Variants in PXDNL observed in about 807,000 individuals in gnomAD.
PXDNL encodes the protein peroxidasin like.
A neutral mutation model predicts 150.8 loss-of-function variants in PXDNL; 145 were observed. That is an observed-to-expected ratio of 0.96 (90% CI 0.84 to 1.10). PXDNL has a LOEUF of 1.10. PXDNL is among the 50% of genes least tolerant of loss of function. The pLI, the probability that PXDNL is intolerant of heterozygous loss-of-function variation, is 0.00. For synonymous variants in PXDNL, 757 were observed against 725.7 expected, an observed-to-expected ratio of 1.04 and a Z score of -0.69; for missense variants, 2,087 against 1,873.9, an observed-to-expected ratio of 1.11 and a Z score of -2.10.
chr8:51,728,223 G>A (rs890153361), intron 1 of PXDNL, among the ~76,000 whole-genome samples: 1 of 152,184 alleles, frequency 6.6e-6, no homozygotes, highest in African/African-American at 2.4e-5. Flanking sequence ...TGCTGCCAGT[G>A]TTATAAAAGT....
intron 2 of PXDNL, among the ~76,000 whole-genome samples, chr8:51,608,035 A>AAGAAAG (rs1563481701): frequency 1.8e-5 from 2 of 111,674 alleles, no homozygotes; most frequent in Non-Finnish European, 3.8e-5. Flanking sequence ...GAAAGAAAGA[A>AAGAAAG]AGAAAGAAAG....
chr8:51,336,375 G>T (rs1056279730), intron 21 of PXDNL, among the ~76,000 whole-genome samples: 1 of 152,180 alleles, frequency 6.6e-6, no homozygotes, highest in East Asian at 1.9e-4. Flanking sequence ...TGAACAATCA[G>T]AAATTTCCTT....
At chr8:51,720,420 A>T (rs1228584896) in intron 1 of PXDNL, among the ~76,000 whole-genome samples, 1 of 152,126 alleles carries the variant, frequency 6.6e-6, no homozygotes, top group Non-Finnish European at 1.5e-5. Context: ...GTTATTTGTA[A>T]ATAGATACTA....
Position 51,589,948 on chromosome 8 carries a change from G to A in PXDNL, c.308+2679C>T, listed in dbSNP as rs78993300. ...TCAGGTGCTATTCATCAAGTGAACA[G>A]GAGAAAGACTTCAAAGGCATTTCAG... On this transcript the variant is annotated intron_variant, in intron 3 of 22. Transcript: ENST00000356297. Among the ~76,000 whole-genome samples, 60 of 152,256 alleles carry A rather than the reference G, an allele frequency of 3.9e-4. 1 individual carries two copies. In the East Asian group the frequency reaches 9.9e-3, roughly 25 times the overall value.
intron 4 of PXDNL, among the ~76,000 whole-genome samples, chr8:51,542,447 A>G (rs1351895195): frequency 6.6e-6 from 1 of 151,710 alleles, no homozygotes; most frequent in African/African-American, 2.4e-5. Flanking sequence ...TAATAGAATT[A>G]GATTAGATCA....
chr8:51,430,079 G>A (rs1470774487), intron 12 of PXDNL, among the ~76,000 whole-genome samples: 2 of 100,478 alleles, frequency 2.0e-5, no homozygotes, highest in African/African-American at 4.4e-5. Flanking sequence ...TCCTTTGTCT[G>A]ATGTCCTTTA....
chr8:51,363,815 A>G (rs1313940513), intron 19 of PXDNL, among the ~76,000 whole-genome samples: 1 of 152,180 alleles, frequency 6.6e-6, no homozygotes, highest in Non-Finnish European at 1.5e-5. Context: ...TGGTTGTATA[A>G]AAGCTTTCCC....
Position 51,395,228 on chromosome 8 carries a change from T to C in PXDNL, c.3557+12839A>G, listed in dbSNP as rs1366290881. ...ATAAGCATCAGGCCCTCCTTGACTT[T>C]GTAGACACTATTCCAGATGCTGGGT... On this transcript the variant is annotated intron_variant, in intron 17 of 22. Transcript: ENST00000356297. 4.6e-5 allele frequency among the ~76,000 whole-genome samples: 7 copies of C among 152,288 alleles called. No homozygotes were observed. In the East Asian group the frequency reaches 1.2e-3, roughly 25 times the overall value.
In PXDNL at chr8:51,654,724, C is replaced by G; in HGVS notation, c.201G>C (p.Gly67=). The G allele has an allele frequency of 6.2e-7, 1 of 1,613,390 alleles. No homozygotes were observed. Among genetic ancestry groups the G allele is most frequent in the East Asian group, 2.2e-5 (1 of 44,834 alleles). Residue 67 remains glycine (G), a synonymous_variant, in exon 2 of 23, where the codon GGG becomes GGC. Coordinates refer to ENST00000356297, the MANE Select transcript of PXDNL (RefSeq NM_144651.5). The part of the protein sequence containing the change: ...LRFNRIREIP[G]SAFKKLKNLN... Reference sequence around the variant, plus strand: ...AATTCTTGAGTTTCTTGAAGGCGCTCCCTGGAATTTCTCTTATTCTGTTAA... The same window carrying G: ...AATTCTTGAGTTTCTTGAAGGCGCTGCCTGGAATTTCTCTTATTCTGTTAA...
intron 1 of PXDNL, among the ~76,000 whole-genome samples, chr8:51,660,920 A>G (rs1267930796): frequency 6.6e-6 from 1 of 151,492 alleles, no homozygotes; most frequent in African/African-American, 2.4e-5. Flanking sequence ...CCCCGCCACA[A>G]CCCCTCCCTC....
At position 51,449,041 on chromosome 8, in the gene PXDNL, C is replaced by A. The variant is rs930343865; in HGVS notation, c.1327G>T (p.Asp443Tyr). The A allele has an allele frequency of 2.0e-5, 31 of 1,552,488 alleles. No individual in the cohort carries two copies. Among genetic ancestry groups the A allele is most frequent in the Non-Finnish European group, 2.7e-5 (31 of 1,147,358 alleles). Reference sequence around the variant, plus strand: ...ACAATAACAGGAGGTGGGTTGCCGTCAGCTTCACAGAGCCACTCTACAGCA... The same window carrying A: ...ACAATAACAGGAGGTGGGTTGCCGTAAGCTTCACAGAGCCACTCTACAGCA... ...EHAVEWLCEADGNPPPVIVWT... is the reference protein window; with the variant it reads ...EHAVEWLCEAYGNPPPVIVWT... Residue 443 changes from aspartate (D) to tyrosine (Y), a missense_variant, in exon 11 of 23, where the codon GAC (aspartate) becomes TAC (tyrosine). Asp to Tyr is a radical substitution (Grantham distance 160). Transcript: ENST00000356297.
chr8:51,508,627 T>C (rs1327509058), intron 4 of PXDNL, among the ~76,000 whole-genome samples: 1 of 152,120 alleles, frequency 6.6e-6, no homozygotes, highest in Non-Finnish European at 1.5e-5. Context: ...GGCTTCTCCC[T>C]TTTTCCAGCC....
intron 21 of PXDNL, among the ~76,000 whole-genome samples, chr8:51,330,347 G>A (rs777677706): frequency 3.3e-5 from 5 of 151,910 alleles, no homozygotes; most frequent in Non-Finnish European, 5.9e-5. Flanking sequence ...AAAAAACTGA[G>A]AATGGAAAAC....
chr8:51,449,262 A>G, intron 10 of PXDNL, 144 bp from the exon 11 acceptor site: 1 of 586,426 alleles, frequency 1.7e-6, no homozygotes, highest in Admixed American at 3.3e-5. Flanking sequence ...AAGAGTGTGG[A>G]GGTGCTTCTG....
intron 1 of PXDNL, among the ~76,000 whole-genome samples, chr8:51,760,181 G>T (rs568659713): frequency 1.3e-5 from 2 of 152,292 alleles, no homozygotes; most frequent in Admixed American, 6.5e-5. Context: ...TTCTTAACAA[G>T]TTTAAAGAGT....
chr8:51,323,582 C>T (rs1044898454), intron 21 of PXDNL, among the ~76,000 whole-genome samples: 1 of 152,128 alleles, frequency 6.6e-6, no homozygotes, highest in Non-Finnish European at 1.5e-5. Context: ...AACCACCACA[C>T]CCTGCTCTAA....
intron 20 of PXDNL, 127 bp from the exon 21 acceptor site, chr8:51,339,880 T>G: frequency 1.2e-6 from 1 of 859,808 alleles, no homozygotes; most frequent in South Asian, 2.1e-5. Context: ...CTTTGTGATC[T>G]TAAAAGGAAA....
chr8:51,423,652 G>A lies in PXDNL; in HGVS notation c.1718C>T (p.Pro573Leu), dbSNP rs578054583. ...GTLTIYDAGF[P>L]DQGRYECVAR... Reference sequence around the variant, plus strand: ...CACACATTCATATCTTCCCTGGTCAGGGAACCCTGCGTCGTAGATAGTCAG... The same window carrying A: ...CACACATTCATATCTTCCCTGGTCAAGGAACCCTGCGTCGTAGATAGTCAG... Residue 573 changes from proline to leucine, a missense_variant, in exon 14 of 23, where the codon CCT (proline) becomes CTT (leucine). Physicochemically the swap from Pro to Leu is moderately conservative, Grantham distance 98. Transcript: ENST00000356297. 6.2e-7 allele frequency: 1 copy of A among 1,613,910 alleles called. No homozygotes were observed. Among genetic ancestry groups the A allele is most frequent in the Non-Finnish European group, 8.5e-7 (1 of 1,179,844 alleles).
At chr8:51,631,323 A>G (rs929659030) in intron 2 of PXDNL, among the ~76,000 whole-genome samples, 1 of 152,140 alleles carries the variant, frequency 6.6e-6, no homozygotes, top group Non-Finnish European at 1.5e-5. Context: ...GAAACTACCT[A>G]TTGGGTATGA....
Sources: allele counts gnomAD v4.1 joint callset (sites outside exome capture counted in the v4.1 genomes callset), GRCh38; gene constraint gnomAD v4.1.1; transcripts MANE v1.5; gene names NCBI Gene and HGNC (gene_info 2026-07-23, HGNC 2026-07-21).